NPHS1: variants seen among roughly 807,000 people sequenced by gnomAD.
The protein encoded by NPHS1 is NPHS1 adhesion molecule, nephrin, also known as nephrin.
Under a neutral mutation model 139.7 loss-of-function variants are expected in NPHS1, and 107 were observed. The ratio of observed to expected loss-of-function variants is 0.77; its 90% confidence interval spans 0.66 to 0.90. NPHS1 has a LOEUF of 0.90. Ranked by LOEUF, NPHS1 falls within the 40% of genes least tolerant of loss-of-function variation. The pLI is 0.00. For synonymous variants in NPHS1, 707 were observed against 706.6 expected (o/e 1.00, Z -0.01); for missense variants, 1,580 against 1,654.2 (o/e 0.96, Z 0.78).
At position 35,841,372 on chromosome 19, in the gene NPHS1, TCAA is replaced by T. The variant is rs150955536; in HGVS notation, c.2815+340_2815+342del. Among the ~76,000 whole-genome samples, 33 of 151,366 alleles carry T rather than the reference TCAA, an allele frequency of 2.2e-4. 1 individual carries two copies. The highest frequency in any genetic ancestry group is 6.3e-4 in the South Asian group (3 of 4,770). Reference sequence around the variant, plus strand: ...TGGGTGACAAGAGTGAATCTCCATTTCAACAACAACAACAACAACAACAACAAC... The same window carrying T: ...TGGGTGACAAGAGTGAATCTCCATTTCAACAACAACAACAACAACAACAAC... On this transcript the variant is annotated intron_variant, in intron 20 of 28. Transcript: ENST00000378910.
chr19:35,850,542 C>T, intron 4 of NPHS1, 97 bp from the exon 5 acceptor site: 1 of 1,013,794 alleles, frequency 9.9e-7, no homozygotes, highest in Non-Finnish European at 1.6e-6. Flanking sequence ...TGCGATGCCC[C>T]CTCCCTCCTC....
In NPHS1 at chr19:35,848,174, G is replaced by A. The variant is rs1309562728; in HGVS notation, c.1316-9C>T. On this transcript the variant is annotated splice_polypyrimidine_tract_variant and intron_variant, in intron 10 of 28. Coordinates refer to ENST00000378910, the MANE Select transcript of NPHS1 (RefSeq NM_004646.4). The stretch of plus-strand genomic sequence containing the variant: ...CAGTTTCTGGGCGGGATCTGGCGGG[G>A]AGAGGAAGGAAGAATGACTTTTTCT... The A allele has an allele frequency of 3.7e-6, 6 of 1,613,940 alleles. No homozygotes were observed. Among genetic ancestry groups the A allele is most frequent in the East Asian group, 2.2e-5 (1 of 44,898 alleles).
intron 20 of NPHS1, among the ~76,000 whole-genome samples, chr19:35,840,356 A>G (rs1973036747): frequency 7.1e-6 from 1 of 139,992 alleles, no homozygotes; most frequent in Non-Finnish European, 1.5e-5. Flanking sequence ...CTTTTTTGAG[A>G]TGGAGTCTCG....
intron 11 of NPHS1, 143 bp from the exon 12 acceptor site, chr19:35,846,337 A>AC: frequency 1.2e-6 from 1 of 828,128 alleles, no homozygotes; most frequent in Non-Finnish European, 1.9e-6. Context: ...CATCAGCACC[A>AC]CCCCCCTAGG....
intron 26 of NPHS1, 34 bp downstream of exon 26, chr19:35,831,262 T>C (rs112752526): frequency 6.2e-7 from 1 of 1,611,840 alleles, no homozygotes. Flanking sequence ...GTCGGTGCCC[T>C]GATTGTGGGG....
In NPHS1 at chr19:35,846,258, C is replaced by T. The variant is rs568828029; in HGVS notation, c.1441-64G>A. On this transcript the variant is annotated intron_variant, in intron 11 of 28. Transcript: ENST00000378910. ...GCCGCTTCCACCAACCCCCAACCCC[C>T]CTACCCTGCCCACTGGGTTGGTGCC... 3.6e-5 allele frequency: 55 copies of T among 1,508,862 alleles called. No homozygotes were observed. The African/African-American group carries it at 6.3e-4, about 17-fold the overall frequency. 93.5% of individuals were successfully genotyped at this position (1,508,862 alleles called of 1,614,324 possible). A position where few individuals can be genotyped will look rare whatever the true frequency, so the allele number is the denominator to read the frequency against.
intron 22 of NPHS1, among the ~76,000 whole-genome samples, chr19:35,837,021 AAAAGAAAAGAAAGAAAGAAAG>A (rs1568451206): frequency 1.7e-5 from 2 of 118,118 alleles, no homozygotes; most frequent in African/African-American, 6.2e-5. Context: ...GAAAGAAAAG[AAAAGAAAAGAAAGAAAGAAAG>A]AAAGAAAGAA....
intron 20 of NPHS1, 60 bp downstream of exon 20, chr19:35,841,655 G>C (rs1973056827): frequency 6.3e-7 from 1 of 1,596,820 alleles, no homozygotes; most frequent in Non-Finnish European, 8.6e-7. Flanking sequence ...GGCCAATCAG[G>C]GATGTGGGAA....
chr19:35,847,344 CT>C (rs34920536), intron 11 of NPHS1, among the ~76,000 whole-genome samples: 202 of 59,872 alleles, frequency 3.4e-3, no homozygotes, highest in African/African-American at 7.7e-3. Flanking sequence ...TGTGCCCAGC[CT>C]TTTTTTTTTT....
At position 35,839,623 on chromosome 19, in the gene NPHS1, T is replaced by A; in HGVS notation, c.2816-16A>T. The A allele has an allele frequency of 3.8e-6, 6 of 1,595,570 alleles. No homozygotes were observed. The highest frequency in any genetic ancestry group is 5.2e-6 in the Non-Finnish European group (6 of 1,163,342). On this transcript the variant is annotated splice_polypyrimidine_tract_variant and intron_variant, in intron 20 of 28. Coordinates refer to ENST00000378910, the MANE Select transcript of NPHS1 (RefSeq NM_004646.4). Reference sequence around the variant, plus strand: ...TCAGGGCGGCCTATGGGGAGAAAGATGGGAAAGCAGTCAGAGGATACAAAA... The same window carrying A: ...TCAGGGCGGCCTATGGGGAGAAAGAAGGGAAAGCAGTCAGAGGATACAAAA...
chr19:35,841,666 T>A, intron 20 of NPHS1, 49 bp downstream of exon 20: 2 of 1,607,564 alleles, frequency 1.2e-6, no homozygotes, highest in Non-Finnish European at 1.7e-6. Flanking sequence ...GATGTGGGAA[T>A]GGATCCAGGG....
chr19:35,845,681 T>C lies in NPHS1; in HGVS notation c.1745A>G (p.Lys582Arg). Residue 582 changes from lysine to arginine, a missense_variant, in exon 13 of 29, where the codon AAG becomes AGG. Transcript: ENST00000378910. This position sits in a 1 kb window ranked among gnomAD's most constrained non-coding sequence, Gnocchi z 5.5. ...SNPPVNLSWDKEGERLEGVAA... is the reference protein window; with the variant it reads ...SNPPVNLSWDREGERLEGVAA... ...CTCGCACTCCCACCTCTCCCCTTCCTTGTCCCAGGACAAGTTGACCGGCGG... is the reference window on the plus strand; with the variant it reads ...CTCGCACTCCCACCTCTCCCCTTCCCTGTCCCAGGACAAGTTGACCGGCGG... The C allele has an allele frequency of 6.2e-7, 1 of 1,613,868 alleles. No individual in the cohort carries two copies. Among genetic ancestry groups the C allele is most frequent in the Non-Finnish European group, 8.5e-7 (1 of 1,179,878 alleles).
chr19:35,841,939 C>T, intron 19 of NPHS1, 73 bp from the exon 20 acceptor site: 2 of 1,491,098 alleles, frequency 1.3e-6, no homozygotes, highest in South Asian at 2.4e-5. Flanking sequence ...TCTATGCATC[C>T]ATCCATTAAT....
In NPHS1 at chr19:35,845,649, G is replaced by C. The variant is rs1266175936; in HGVS notation, c.1757+20C>G. On this transcript the variant is annotated intron_variant, in intron 13 of 28. Coordinates refer to ENST00000378910, the MANE Select transcript of NPHS1 (RefSeq NM_004646.4). The surrounding 1 kb of genome is among the most constrained non-coding windows in gnomAD (Gnocchi z 5.5). ...GGGCGAGGCCAGACCAGAGAGGGGA[G>C]GGATCCCTCGCACTCCCACCTCTCC... 1 of 1,612,334 alleles carries C rather than the reference G, an allele frequency of 6.2e-7. No homozygotes were observed. The highest frequency in any genetic ancestry group is 8.5e-7 in the Non-Finnish European group (1 of 1,179,232).
intron 20 of NPHS1, 138 bp downstream of exon 20, chr19:35,841,577 A>G: frequency 1.1e-6 from 1 of 939,908 alleles, no homozygotes; most frequent in Non-Finnish European, 1.7e-6. Context: ...TAGGATTTTC[A>G]GGGCAGGCAA....
chr19:35,828,254 A>C (rs1472779468), intron 28 of NPHS1, among the ~76,000 whole-genome samples: 3 of 151,734 alleles, frequency 2.0e-5, no homozygotes, highest in East Asian at 3.9e-4. Context: ...AATGGTTTTT[A>C]TTTTTTTCTT....
rs759559801 is a variant in NPHS1, at chr19:35,849,037, G to A, written c.951C>T (p.Cys317=). 8 of 1,612,008 alleles carry A rather than the reference G, an allele frequency of 5.0e-6. No homozygotes were observed. The highest frequency in any genetic ancestry group is 3.3e-5 in the Admixed American group (2 of 60,036). The change falls in exon 8 of 29, where the codon TGC becomes TGT. Residue 317 remains cysteine, a synonymous_variant. Coordinates refer to ENST00000378910, the MANE Select transcript of NPHS1 (RefSeq NM_004646.4). ...CTGCAGACACGCTGTTGTGGGCCTC[G>A]CAGCTGAGCTGCGCTCCATGGTCTT... is the stretch of plus-strand genomic sequence containing the variant. ...RPEDHGAQLS[C]EAHNSVSAGT... is the part of the protein sequence containing the mutation.
intron 23 of NPHS1, among the ~76,000 whole-genome samples, chr19:35,832,380 CAAA>C (rs1395020311): frequency 3.3e-5 from 5 of 152,038 alleles, no homozygotes; most frequent in Admixed American, 3.3e-4. Flanking sequence ...TGATTCTTTA[CAAA>C]AAAAATTAAA....
In NPHS1 at chr19:35,825,474, G is replaced by T. The variant is rs181405524; in HGVS notation, c.*1040C>A. Among the ~76,000 whole-genome samples the T allele has an allele frequency of 6.6e-6, 1 of 151,968 alleles. No homozygotes were observed. Among genetic ancestry groups the T allele is most frequent in the African/African-American group, 2.4e-5 (1 of 41,352 alleles). On this transcript the variant is annotated 3_prime_UTR_variant, in exon 29 of 29. Coordinates refer to ENST00000378910, the MANE Select transcript of NPHS1 (RefSeq NM_004646.4). ...TGAGTTTTGACAAATCTGTGCACCC[G>T]TGCAACCACCACCACAATCGTTATA... is the stretch of plus-strand genomic sequence containing the variant.
Sources: allele counts gnomAD v4.1 joint callset (sites outside exome capture counted in the v4.1 genomes callset), GRCh38; gene constraint gnomAD v4.1.1; non-coding constraint Gnocchi (gnomAD v3.1); transcripts MANE v1.5; gene names NCBI Gene and HGNC (gene_info 2026-07-23, HGNC 2026-07-21).